The following DRAM2 variants were observed in gnomAD, a reference collection of about 807,000 sequenced individuals.
DRAM2 encodes DNA damage-regulated autophagy modulator protein 2.
In DRAM2, 26 loss-of-function variants were observed where a neutral mutation model predicts 33.5. That is an observed-to-expected ratio of 0.78 (90% CI 0.57 to 1.08). The LOEUF is 1.08. Ranked by LOEUF, DRAM2 falls within the 50% of genes least tolerant of loss-of-function variation. DRAM2 has a pLI of 0.00. For synonymous variants in DRAM2, 98 were observed against 109.5 expected (o/e 0.89, Z 0.66); for missense variants, 311 against 318.1 (o/e 0.98, Z 0.17).
intron 3 of DRAM2, among the ~76,000 whole-genome samples, chr1:111,137,039 G>A (rs1020878222): frequency 6.7e-6 from 1 of 149,296 alleles, no homozygotes; most frequent in African/African-American, 2.5e-5. Flanking sequence ...GGATCACGAG[G>A]TCAGGAGATC....
In DRAM2 at chr1:111,118,189, GTTCA is replaced by G; in HGVS notation, c.768_771del (p.Arg258HisfsTer36). ...ATATCTCTGGAAAGTAGCCGTGTTC[GTTCA>G]TTGTTAATAGGGCAAGGTGCAGTGT... On this transcript the variant is annotated frameshift_variant, in exon 10 of 10. Transcript: ENST00000484310. LOFTEE classifies it high-confidence loss of function. 1 of 1,612,924 alleles carries G rather than the reference GTTCA, an allele frequency of 6.2e-7. No homozygotes were observed. The highest frequency in any genetic ancestry group is 8.5e-7 in the Non-Finnish European group (1 of 1,179,148).
chr1:111,124,846 G>T lies in DRAM2; in HGVS notation c.235C>A (p.His79Asn). The change falls in exon 6 of 10, where the codon CAT becomes AAT. Residue 79 changes from histidine (H) to asparagine (N), a missense_variant. Coordinates refer to ENST00000484310, the MANE Select transcript of DRAM2 (RefSeq NM_001349884.2). The part of the protein sequence containing the change: ...ATIYVRYKQV[H>N]ALSPEENVII... The stretch of plus-strand genomic sequence containing the variant: ...ACGTTCTCTTCAGGACTCAGAGCAT[G>T]AACTTGCTTATAACGAACATAAATG... 1.2e-6 allele frequency: 2 copies of T among 1,613,192 alleles called. No individual in the cohort carries two copies. The highest frequency in any genetic ancestry group is 2.7e-5 in the African/African-American group (2 of 74,956).
At chr1:111,130,181 A>C (rs1202815554) in intron 4 of DRAM2, among the ~76,000 whole-genome samples, 2 of 152,214 alleles carry the variant, frequency 1.3e-5, no homozygotes, top group African/African-American at 2.4e-5. Flanking sequence ...AAATTTTGAT[A>C]CTTAATACGT....
At chr1:111,118,601 C>A (rs1232878151) in intron 9 of DRAM2, 3 of 488,578 alleles carry the variant, frequency 6.1e-6, no homozygotes, top group Admixed American at 3.9e-5. Flanking sequence ...ATTTTCAAGG[C>A]TAAATCTTGC....
At chr1:111,132,849 A>C (rs531434020) in intron 3 of DRAM2, among the ~76,000 whole-genome samples, 1 of 151,548 alleles carries the variant, frequency 6.6e-6, no homozygotes, top group East Asian at 2.0e-4. Flanking sequence ...TGCCCAGCTA[A>C]CTTTATTATT....
In DRAM2 at chr1:111,117,876, T is replaced by A. The variant is rs1178008777; in HGVS notation, c.*284A>T. 16 of 378,890 alleles carry A rather than the reference T, an allele frequency of 4.2e-5. No individual in the cohort carries two copies. The East Asian group carries it at 9.3e-4, about 22-fold the overall frequency. 23.5% of individuals were successfully genotyped at this position (378,890 alleles called of 1,614,324 possible). A position where few individuals can be genotyped will look rare whatever the true frequency, so the allele number is the denominator to read the frequency against. On this transcript the variant is annotated 3_prime_UTR_variant, in exon 10 of 10. Coordinates refer to ENST00000484310, the MANE Select transcript of DRAM2 (RefSeq NM_001349884.2). Reference sequence around the variant, plus strand: ...ACTGATTGGTGCACGTCAGGTTGTTTCTCTTAAATAAGGTATAAAAAACTA... The same window carrying A: ...ACTGATTGGTGCACGTCAGGTTGTTACTCTTAAATAAGGTATAAAAAACTA...
intron 9 of DRAM2, 36 bp from the exon 10 acceptor site, chr1:111,118,303 C>T (rs1350124002): frequency 6.8e-7 from 1 of 1,463,388 alleles, no homozygotes. Flanking sequence ...TAGAAGTTTG[C>T]TCCTTAAAGA....
At chr1:111,130,899 C>T (rs572739821) in intron 4 of DRAM2, among the ~76,000 whole-genome samples, 7 of 151,104 alleles carry the variant, frequency 4.6e-5, no homozygotes, top group South Asian at 2.1e-4. Context: ...CCCAGCTACT[C>T]GGCAGGCTGA....
In DRAM2 at chr1:111,124,869, ATGGTAGCAATGCCT is replaced by A. The variant is rs771765839; in HGVS notation, c.200-2_211del. ...ATGAACTTGCTTATAACGAACATAA[ATGGTAGCAATGCCT>A]GGGAAAAGATAATCCAAAAAACAAC... On this transcript the variant is annotated splice_acceptor_variant and coding_sequence_variant, in exon 6 of 10. Transcript: ENST00000484310. LOFTEE classifies it high-confidence loss of function. The A allele has an allele frequency of 1.6e-5, 25 of 1,611,148 alleles. No individual in the cohort carries two copies. The highest frequency in any genetic ancestry group is 2.1e-5 in the Non-Finnish European group (25 of 1,179,112).
intron 4 of DRAM2, among the ~76,000 whole-genome samples, chr1:111,130,110 T>C (rs1651767068): frequency 1.3e-5 from 2 of 152,218 alleles, no homozygotes; most frequent in South Asian, 2.1e-4. Context: ...GTTATGAACA[T>C]AGTATATGCA....
chr1:111,131,696 C>CCATA (rs1652122161), intron 3 of DRAM2, 128 bp from the exon 4 acceptor site: 1 of 808,502 alleles, frequency 1.2e-6, no homozygotes, highest in African/African-American at 1.7e-5. Context: ...ATCCCTCATG[C>CCATA]CATACCCCAA....
At chr1:111,122,641 A>G (rs1650267083) in intron 6 of DRAM2, 1 of 151,262 alleles carries the variant, frequency 6.6e-6, no homozygotes, top group Non-Finnish European at 1.5e-5. Flanking sequence ...GTAAACGTTT[A>G]CTCTGGAAAG....
chr1:111,119,495 T>A (rs1452014267), intron 8 of DRAM2: 1 of 180,392 alleles, frequency 5.5e-6, no homozygotes, highest in Non-Finnish European at 1.2e-5. Context: ...GAATCCTAAA[T>A]GCAGAGTCCA....
rs1649230619 is a variant in DRAM2, at chr1:111,117,903, G to A, written c.*257C>T. Reference sequence around the variant, plus strand: ...TCTTAAATAAGGTATAAAAAACTATGATATCATAGTCTTTTGACTTTATTT... The same window carrying A: ...TCTTAAATAAGGTATAAAAAACTATAATATCATAGTCTTTTGACTTTATTT... On this transcript the variant is annotated 3_prime_UTR_variant, in exon 10 of 10. Coordinates refer to ENST00000484310, the MANE Select transcript of DRAM2 (RefSeq NM_001349884.2). 1.3e-5 allele frequency: 6 copies of A among 455,518 alleles called. No individual in the cohort carries two copies. Among genetic ancestry groups the A allele is most frequent in the Non-Finnish European group, 2.0e-5 (5 of 253,642 alleles). The allele number at this position is 455,518 out of a possible 1,614,324, so 28.2% of individuals were successfully genotyped here. A position where few individuals can be genotyped will look rare whatever the true frequency, so the allele number is the denominator to read the frequency against.
chr1:111,129,817 C>T (rs1651703532), intron 4 of DRAM2, among the ~76,000 whole-genome samples: 2 of 151,626 alleles, frequency 1.3e-5, no homozygotes, highest in Non-Finnish European at 2.9e-5. Flanking sequence ...AATAAAAAAC[C>T]CAAAAAAGTG....
chr1:111,118,271 G>T lies in DRAM2; in HGVS notation c.694-4C>A, dbSNP rs200754810. ...CTTCCACCCGTAAAGAAATTTTCTGGAACAGAAAAGAAAATTATATATAGA... is the reference window on the plus strand; with the variant it reads ...CTTCCACCCGTAAAGAAATTTTCTGTAACAGAAAAGAAAATTATATATAGA... On this transcript the variant is annotated splice_polypyrimidine_tract_variant and splice_region_variant and intron_variant, in intron 9 of 9. Coordinates refer to ENST00000484310, the MANE Select transcript of DRAM2 (RefSeq NM_001349884.2). 3 of 1,597,666 alleles carry T rather than the reference G, an allele frequency of 1.9e-6. No individual in the cohort carries two copies. Among genetic ancestry groups the T allele is most frequent in the Non-Finnish European group, 2.6e-6 (3 of 1,167,494 alleles).
At chr1:111,137,907 T>TA (rs1653584479) in intron 2 of DRAM2, among the ~76,000 whole-genome samples, 1 of 152,110 alleles carries the variant, frequency 6.6e-6, no homozygotes, top group Non-Finnish European at 1.5e-5. Context: ...AAAAAAATAA[T>TA]AGATTATTAA....
rs111786941 is a variant in DRAM2, at chr1:111,122,857, G to A, written c.339+1885C>T. Among the ~76,000 whole-genome samples the A allele has an allele frequency of 3.0e-3, 455 of 152,128 alleles. 3 individuals are homozygous for A. Among genetic ancestry groups the A allele is most frequent in the African/African-American group, 7.5e-3 (311 of 41,518 alleles). On this transcript the variant is annotated intron_variant, in intron 6 of 9. Coordinates refer to ENST00000484310, the MANE Select transcript of DRAM2 (RefSeq NM_001349884.2). ...AAAAGTAATTTAGTCAAAATTACAC[G>A]GCCATAAGTACTCTTGTGAAGGTAA...
chr1:111,131,403 C>G, intron 4 of DRAM2, 21 bp downstream of exon 4: 1 of 1,606,300 alleles, frequency 6.2e-7, no homozygotes, highest in Non-Finnish European at 8.5e-7. Flanking sequence ...GTCTCCTATA[C>G]AAAGAATACA....
Sources: gnomAD v4.1 joint callset for allele counts (sites outside exome capture counted in the v4.1 genomes callset) on GRCh38, gnomAD v4.1.1 for gene constraint, MANE v1.5 for transcripts, NCBI Gene and HGNC (gene_info 2026-07-23, HGNC 2026-07-21) for gene names.